The following JMJD1C variants were observed in gnomAD, a reference collection of about 807,000 sequenced individuals.
JMJD1C encodes jumonji domain-containing protein 1C.
A neutral mutation model predicts 245.3 loss-of-function variants in JMJD1C; 31 were observed. That is an observed-to-expected ratio of 0.13 (90% confidence interval 0.09 to 0.17). JMJD1C has a LOEUF of 0.17. Ranked by LOEUF, JMJD1C falls within the 10% of genes least tolerant of loss-of-function variation. The pLI, the probability that JMJD1C is intolerant of heterozygous loss-of-function variation, is 1.00. For missense variants in JMJD1C, 2,691 were observed against 3,000.2 expected, an observed-to-expected ratio of 0.90 and a Z score of 2.41; for synonymous variants, 1,057 against 1,017.4, an observed-to-expected ratio of 1.04 and a Z score of -0.74.
chr10:63,439,665 C>A (rs1268043024), intron 1 of JMJD1C, among the ~76,000 whole-genome samples: 1 of 152,088 alleles, frequency 6.6e-6, no homozygotes, highest in African/African-American at 2.4e-5. Flanking sequence ...TTATCCTTAA[C>A]AAAAGTCACC....
At chr10:63,219,046 T>C (rs887703169) in intron 4 of JMJD1C, among the ~76,000 whole-genome samples, 1 of 152,080 alleles carries the variant, frequency 6.6e-6, no homozygotes, top group South Asian at 2.1e-4. Flanking sequence ...GATTTGATAG[T>C]TGTTGGGGCT....
In JMJD1C at chr10:63,208,410, T is replaced by A. The variant is rs764968654; in HGVS notation, c.3259A>T (p.Ser1087Cys). The A allele has an allele frequency of 6.2e-7, 1 of 1,614,082 alleles. No individual in the cohort carries two copies. Among genetic ancestry groups the A allele is most frequent in the Non-Finnish European group, 8.5e-7 (1 of 1,179,958 alleles). The change falls in exon 10 of 26, where the codon AGT (serine) becomes TGT (cysteine). Residue 1087 changes from serine (S) to cysteine (C), a missense_variant. Physicochemically the swap from Ser to Cys is moderately radical, Grantham distance 112 (BLOSUM62 -1). Coordinates refer to ENST00000399262, the MANE Select transcript of JMJD1C (RefSeq NM_032776.3). ...GTGAAATAGTTACTTTGGGGTAAAC[T>A]CTGAGGCACTGAGTGCTTCATTTTA... Reference protein sequence around the residue: ...LYKMKHSVPQSLPQSNYFTTL... With the variant: ...LYKMKHSVPQCLPQSNYFTTL...
In JMJD1C at chr10:63,347,234, A is replaced by G. The variant is rs1943910783; in HGVS notation, c.333+33084T>C. 2.6e-5 allele frequency among the ~76,000 whole-genome samples: 4 copies of G among 151,906 alleles called. No individual in the cohort carries two copies. The South Asian group carries it at 6.2e-4, about 24-fold the overall frequency. On this transcript the variant is annotated intron_variant, in intron 2 of 25. Coordinates refer to ENST00000399262, the MANE Select transcript of JMJD1C (RefSeq NM_032776.3). ...CAGGTACCTGCCACCATGCTTGGCT[A>G]ATTTTTGTATTTTTGTCAACTCCAA...
chr10:63,356,118 CAGTGCTACATTACAGTAACAAA>C (rs1354455496), intron 2 of JMJD1C, among the ~76,000 whole-genome samples: 3 of 152,112 alleles, frequency 2.0e-5, no homozygotes, highest in Admixed American at 2.0e-4. Context: ...CAGCATATGG[CAGTGCTACATTACAGTAACAAA>C]AGGGATTGTA....
chr10:63,462,451 G>A (rs966276224), intron 1 of JMJD1C, among the ~76,000 whole-genome samples: 1 of 152,154 alleles, frequency 6.6e-6, no homozygotes, highest in Non-Finnish European at 1.5e-5. Context: ...TAATCCCAAA[G>A]ATATCCATGT....
chr10:63,486,618 A>T (rs541287467), intron 1 of JMJD1C, among the ~76,000 whole-genome samples: 3 of 152,204 alleles, frequency 2.0e-5, no homozygotes, highest in Admixed American at 2.0e-4. Context: ...AAAAACAACA[A>T]ACCCACCCAC....
intron 3 of JMJD1C, among the ~76,000 whole-genome samples, chr10:63,250,945 GT>G (rs1157301615): frequency 6.6e-5 from 10 of 152,064 alleles, no homozygotes; most frequent in Non-Finnish European, 1.3e-4. Context: ...GTCTCGTTAT[GT>G]TGCCCAGGCT....
intron 1 of JMJD1C, among the ~76,000 whole-genome samples, chr10:63,508,318 T>C (rs1434219211): frequency 6.6e-6 from 1 of 152,246 alleles, no homozygotes; most frequent in Non-Finnish European, 1.5e-5. Flanking sequence ...GTCTGGGCTC[T>C]ATTGTGTTCC....
chr10:63,497,848 C>G (rs139638532), intron 1 of JMJD1C, among the ~76,000 whole-genome samples: 5 of 152,238 alleles, frequency 3.3e-5, no homozygotes, highest in Admixed American at 1.3e-4. Flanking sequence ...GAGAAAACAT[C>G]AGAATAAAAG....
At chr10:63,465,269 G>A in intron 1 of JMJD1C, 1 of 519,886 alleles carries the variant, frequency 1.9e-6, no homozygotes, top group East Asian at 3.4e-5. Flanking sequence ...AGCCTCCGCG[G>A]CTATCCCGGG....
At chr10:63,331,342 A>C (rs181530083) in intron 2 of JMJD1C, among the ~76,000 whole-genome samples, 10 of 152,244 alleles carry the variant, frequency 6.6e-5, no homozygotes, top group Admixed American at 4.6e-4. Flanking sequence ...ATCAAATCTC[A>C]ATTTTACTTA....
chr10:63,187,192 A>C (rs1388860474), intron 18 of JMJD1C, among the ~76,000 whole-genome samples: 1 of 152,182 alleles, frequency 6.6e-6, no homozygotes, highest in Non-Finnish European at 1.5e-5. Flanking sequence ...TACATGGTTG[A>C]ATGTTCCATT....
chr10:63,353,829 T>C lies in JMJD1C; in HGVS notation c.333+26489A>G, dbSNP rs559642638. On this transcript the variant is annotated intron_variant, in intron 2 of 25. Coordinates refer to ENST00000399262, the MANE Select transcript of JMJD1C (RefSeq NM_032776.3). The stretch of plus-strand genomic sequence containing the variant: ...CCAAGGGAATCCTTGTTTAAATTTA[T>C]TACTGAGGCTTTTTTTGTCTGTTTG... Among the ~76,000 whole-genome samples the C allele has an allele frequency of 5.3e-5, 8 of 151,504 alleles. No homozygotes were observed. In the South Asian group the frequency reaches 6.3e-4, roughly 12 times the overall value.
At position 63,213,662 on chromosome 10, in the gene JMJD1C, C is replaced by T; in HGVS notation, c.2505G>A (p.Gln835=). Residue 835 remains glutamine, a synonymous_variant, in exon 8 of 26, where the codon CAG becomes CAA. Coordinates refer to ENST00000399262, the MANE Select transcript of JMJD1C (RefSeq NM_032776.3). ...GATGAGGTGACTGGTGCTGTAACAACTGTTGTTGTTGCTGGTGTGCTAGCG... is the reference window on the plus strand; with the variant it reads ...GATGAGGTGACTGGTGCTGTAACAATTGTTGTTGTTGCTGGTGTGCTAGCG... ...HLALAHQQQQ[Q]LLQHQSPHLL... The T allele has an allele frequency of 6.2e-7, 1 of 1,614,192 alleles. No individual in the cohort carries two copies. The highest frequency in any genetic ancestry group is 8.5e-7 in the Non-Finnish European group (1 of 1,180,024).
At chr10:63,195,055 T>TA (rs776621338) in intron 13 of JMJD1C, among the ~76,000 whole-genome samples, 1 of 151,962 alleles carries the variant, frequency 6.6e-6, no homozygotes, top group East Asian at 1.9e-4. Flanking sequence ...AAATTCAGCA[T>TA]AAAAAAATCT....
intron 3 of JMJD1C, among the ~76,000 whole-genome samples, chr10:63,259,510 T>C (rs1005823850): frequency 1.3e-5 from 2 of 152,200 alleles, no homozygotes; most frequent in African/African-American, 2.4e-5. Flanking sequence ...AACAGATGTG[T>C]TGAGCAACAA....
intron 1 of JMJD1C, among the ~76,000 whole-genome samples, chr10:63,493,577 C>T (rs1261841068): frequency 6.6e-6 from 1 of 152,094 alleles, no homozygotes; most frequent in Admixed American, 6.6e-5. Context: ...CCACCACCCC[C>T]AGCCTAATTC....
rs1231625405 is a variant in JMJD1C at position 63,208,255 on chromosome 10, T to A, written c.3414A>T (p.Ser1138=). ...AAAANPQTLT[S]FITSLSKPPP... Reference sequence around the variant, plus strand: ...GAGGCTTTGAAAGAGATGTTATAAATGAAGTCAGAGTTTGAGGATTAGCTG... The same window carrying A: ...GAGGCTTTGAAAGAGATGTTATAAAAGAAGTCAGAGTTTGAGGATTAGCTG... Residue 1138 remains serine, a synonymous_variant, in exon 10 of 26, where the codon TCA becomes TCT. Transcript: ENST00000399262. 2 of 1,614,108 alleles carry A rather than the reference T, an allele frequency of 1.2e-6. No homozygotes were observed. The highest frequency in any genetic ancestry group is 1.7e-6 in the Non-Finnish European group (2 of 1,179,980).
intron 16 of JMJD1C, among the ~76,000 whole-genome samples, chr10:63,192,568 T>C (rs1218339619): frequency 6.6e-6 from 1 of 151,960 alleles, no homozygotes; most frequent in Non-Finnish European, 1.5e-5. Context: ...AACTCCGTGC[T>C]CCCCGACCCC....
Sources: gnomAD v4.1 joint callset for allele counts (sites outside exome capture counted in the v4.1 genomes callset) on GRCh38, gnomAD v4.1.1 for gene constraint, MANE v1.5 for transcripts, NCBI Gene and HGNC (gene_info 2026-07-23, HGNC 2026-07-21) for gene names.